The following TNKS variants were observed in gnomAD, a reference collection of about 807,000 sequenced individuals.
TNKS encodes tankyrase, also known as poly [ADP-ribose] polymerase tankyrase-1.
In TNKS, 72 loss-of-function variants were observed where a neutral mutation model predicts 135.8. The observed-to-expected ratio is 0.53, with a 90% CI of 0.44 to 0.64. The LOEUF (loss-of-function observed/expected upper bound fraction) is 0.64. Ranked by LOEUF, TNKS falls within the 30% of genes least tolerant of loss-of-function variation. The pLI, the probability that TNKS is intolerant of heterozygous loss-of-function variation, is 0.00. For synonymous variants in TNKS, 849 were observed against 649.3 expected, an observed-to-expected ratio of 1.31 and a Z score of -4.68; for missense variants, 1,769 against 1,674.0, an observed-to-expected ratio of 1.06 and a Z score of -0.99.
intron 3 of TNKS, among the ~76,000 whole-genome samples, chr8:9,621,234 A>C (rs1027258401): frequency 2.6e-5 from 4 of 152,032 alleles, no homozygotes; most frequent in Admixed American, 2.6e-4. Context: ...AGAACATTCC[A>C]ATTCTGGAAA....
At chr8:9,651,781 TG>T (rs1434075582) in intron 3 of TNKS, among the ~76,000 whole-genome samples, 1 of 152,216 alleles carries the variant, frequency 6.6e-6, no homozygotes, top group Non-Finnish European at 1.5e-5. Flanking sequence ...CATATCCTGT[TG>T]GAAATAGTCA....
chr8:9,706,882 T>G lies in TNKS; in HGVS notation c.1341T>G (p.Arg447=). The G allele has an allele frequency of 1.2e-6, 2 of 1,614,142 alleles. No individual in the cohort carries two copies. Among genetic ancestry groups the G allele is most frequent in the Non-Finnish European group, 1.7e-6 (2 of 1,179,994 alleles). Residue 447 remains arginine, a synonymous_variant, in exon 8 of 27, where the codon CGT becomes CGG. Transcript: ENST00000310430. The part of the protein sequence containing the change: ...TPLHEAASKN[R]VEVCSLLLSH... ...TGCACGAGGCTGCTTCCAAGAACCG[T>G]GTAGAAGTCTGCTCTTTGTTACTTA...
At chr8:9,660,246 C>T (rs1294963524) in intron 3 of TNKS, among the ~76,000 whole-genome samples, 1 of 152,168 alleles carries the variant, frequency 6.6e-6, no homozygotes, top group African/African-American at 2.4e-5. Flanking sequence ...ATGAGGCCAG[C>T]ATCATCCTGA....
chr8:9,564,922 C>T (rs1242926594), intron 1 of TNKS, among the ~76,000 whole-genome samples: 1 of 151,572 alleles, frequency 6.6e-6, no homozygotes, highest in African/African-American at 2.4e-5. Context: ...GAATAAAAAG[C>T]ATTATATCTT....
chr8:9,740,168 A>T (rs1805862663), intron 17 of TNKS, among the ~76,000 whole-genome samples: 1 of 152,044 alleles, frequency 6.6e-6, no homozygotes, highest in Non-Finnish European at 1.5e-5. Context: ...GTATGTCAGA[A>T]CTGACTGACT....
intron 20 of TNKS, among the ~76,000 whole-genome samples, chr8:9,758,691 A>T (rs1428010984): frequency 6.6e-6 from 1 of 152,082 alleles, no homozygotes; most frequent in Non-Finnish European, 1.5e-5. Flanking sequence ...AAGGGCTGGG[A>T]CCCGCTTTCA....
chr8:9,598,724 T>TGA (rs1798887769), intron 2 of TNKS, among the ~76,000 whole-genome samples: 1 of 130,560 alleles, frequency 7.7e-6, no homozygotes, highest in Non-Finnish European at 1.6e-5. Flanking sequence ...TGTGTGTGTG[T>TGA]GTGTGTGTGT....
intron 1 of TNKS, among the ~76,000 whole-genome samples, chr8:9,563,125 T>C (rs1797402272): frequency 1.3e-5 from 2 of 152,134 alleles, no homozygotes; most frequent in Non-Finnish European, 2.9e-5. Flanking sequence ...TGTACAGTTT[T>C]GTGGCATTAA....
intron 1 of TNKS, among the ~76,000 whole-genome samples, chr8:9,565,381 G>A (rs750266582): frequency 1.3e-4 from 20 of 152,102 alleles, no homozygotes; most frequent in Non-Finnish European, 2.5e-4. Flanking sequence ...CTGCTGGTAG[G>A]TGGCAGATGT....
At chr8:9,727,443 G>C (rs1156385052) in intron 13 of TNKS, among the ~76,000 whole-genome samples, 1 of 152,000 alleles carries the variant, frequency 6.6e-6, no homozygotes, top group African/African-American at 2.4e-5. Context: ...GTTTTTTGTT[G>C]TTTTTTACGA....
At chr8:9,730,090 CTG>C (rs1174966285) in intron 13 of TNKS, among the ~76,000 whole-genome samples, 1 of 152,080 alleles carries the variant, frequency 6.6e-6, no homozygotes, top group Non-Finnish European at 1.5e-5. Context: ...TCTTTATAAA[CTG>C]TAAATTATTA....
At chr8:9,767,008 T>G (rs1807488861) in intron 25 of TNKS, among the ~76,000 whole-genome samples, 1 of 152,202 alleles carries the variant, frequency 6.6e-6, no homozygotes, top group South Asian at 2.1e-4. Flanking sequence ...GGGCTTCACT[T>G]TTCTTCCTCT....
chr8:9,693,005 G>T (rs904722331), intron 5 of TNKS, among the ~76,000 whole-genome samples: 2 of 152,154 alleles, frequency 1.3e-5, no homozygotes, highest in African/African-American at 4.8e-5. Flanking sequence ...TTTCTTAGCA[G>T]ATTAATCATG....
intron 19 of TNKS, 129 bp from the exon 20 acceptor site, chr8:9,752,415 T>C (rs1806592993): frequency 1.6e-6 from 1 of 622,296 alleles, no homozygotes. Context: ...CTGTGTATTC[T>C]GTATTATTTT....
intron 12 of TNKS, among the ~76,000 whole-genome samples, chr8:9,725,299 G>A (rs1805110124): frequency 6.6e-6 from 1 of 152,100 alleles, no homozygotes; most frequent in African/African-American, 2.4e-5. Flanking sequence ...AGCAAGATCT[G>A]GTTCCTTTCC....
In TNKS at chr8:9,727,052, A is replaced by AT. The variant is rs762389098; in HGVS notation, c.2001+337dup. The stretch of plus-strand genomic sequence containing the variant: ...CACTTATATTAATTACAGTGTTACT[A>AT]TTTTTGGCTGCATTCACAAAATGTA... On this transcript the variant is annotated intron_variant, in intron 13 of 26. Coordinates refer to ENST00000310430, the MANE Select transcript of TNKS (RefSeq NM_003747.3). 2.6e-5 allele frequency among the ~76,000 whole-genome samples: 4 copies of AT among 152,304 alleles called. No homozygotes were observed. The East Asian group carries it at 7.7e-4, about 29-fold the overall frequency.
At chr8:9,602,869 A>C (rs995841556) in intron 2 of TNKS, among the ~76,000 whole-genome samples, 2 of 151,944 alleles carry the variant, frequency 1.3e-5, no homozygotes, top group East Asian at 1.9e-4. Flanking sequence ...AATCTCTGCT[A>C]TCTGTTGTAT....
Position 9,676,034 on chromosome 8 carries a change from T to TA in TNKS, c.995-3916dup, listed in dbSNP as rs1185540858. On this transcript the variant is annotated intron_variant, in intron 3 of 26. Coordinates refer to ENST00000310430, the MANE Select transcript of TNKS (RefSeq NM_003747.3). ...TTTTTTTTTTTTTTTTTTTTTGAGA[T>TA]AGAGTTTCTCTCTTGTTGCCCAGGC... is the stretch of plus-strand genomic sequence containing the variant. 3.4e-5 allele frequency among the ~76,000 whole-genome samples: 5 copies of TA among 146,990 alleles called. No homozygotes were observed. In the Admixed American group the frequency reaches 3.4e-4, roughly 10 times the overall value.
At position 9,711,232 on chromosome 8, in the gene TNKS, A is replaced by G. The variant is rs144172151; in HGVS notation, c.1749+1012A>G. 4.6e-3 allele frequency among the ~76,000 whole-genome samples: 695 copies of G among 152,292 alleles called. 2 individuals carry two copies. The highest frequency in any genetic ancestry group is 6.7e-3 in the Non-Finnish European group (454 of 68,030). ...AAGAATAAGGAAATTCAGATTTACC[A>G]ATATTGAATACAAAGATGATGCCAG... is the stretch of plus-strand genomic sequence containing the variant. On this transcript the variant is annotated intron_variant, in intron 11 of 26. Coordinates refer to ENST00000310430, the MANE Select transcript of TNKS (RefSeq NM_003747.3).
Sources: gnomAD v4.1 joint callset for allele counts (sites outside exome capture counted in the v4.1 genomes callset) on GRCh38, gnomAD v4.1.1 for gene constraint, MANE v1.5 for transcripts, NCBI Gene and HGNC (gene_info 2026-07-23, HGNC 2026-07-21) for gene names.